The following P3H2 variants were observed in gnomAD, a reference collection of about 807,000 sequenced individuals.
P3H2 encodes prolyl 3-hydroxylase 2.
Under a neutral mutation model 87.0 loss-of-function variants are expected in P3H2, and 80 were observed. The observed-to-expected ratio is 0.92, with a 90% CI of 0.77 to 1.11. The LOEUF (loss-of-function observed/expected upper bound fraction) is 1.11, where lower values mean the gene tolerates loss of function less well. Ranked by LOEUF, P3H2 falls within the 50% of genes least tolerant of loss-of-function variation. P3H2 has a pLI of 0.00. For synonymous variants in P3H2, 367 were observed against 359.3 expected (o/e 1.02, Z -0.24); for missense variants, 1,001 against 923.9 (o/e 1.08, Z -1.08).
At position 189,988,963 on chromosome 3, in the gene P3H2, G is replaced by T. The variant is rs1306156587; in HGVS notation, c.899C>A (p.Pro300His). The T allele has an allele frequency of 5.6e-6, 9 of 1,613,926 alleles. No homozygotes were observed. Among genetic ancestry groups the T allele is most frequent in the Admixed American group, 3.3e-5 (2 of 59,996 alleles). Residue 300 changes from proline to histidine, a missense_variant, in exon 4 of 15, where the codon CCC becomes CAC. Transcript: ENST00000319332. ...GTGCAGAGGAAGAAAATTCTCGATG[G>T]GAGAGAGGCGGCCAGGGCGGGTGGC... Reference protein sequence around the residue: ...ELATRPGRLSPIENFLPLHYD... With the variant: ...ELATRPGRLSHIENFLPLHYD...
At position 189,969,758 on chromosome 3, in the gene P3H2, T is replaced by G. The variant is rs549558054; in HGVS notation, c.1893+1058A>C. On this transcript the variant is annotated intron_variant, in intron 13 of 14. Transcript: ENST00000319332. ...ATCAAATGGCTTGCCAAATGGAGTA[T>G]CCACATATTTTTCAGTTCTTCCTTC... The G allele has an allele frequency of 6.9e-6, 11 of 1,601,070 alleles. No individual in the cohort carries two copies. The East Asian group carries it at 1.6e-4, about 23-fold the overall frequency.
rs1051260729 is a variant in P3H2 at position 189,957,494 on chromosome 3, T to C, written c.*418A>G. 8.2e-6 allele frequency: 3 copies of C among 365,946 alleles called. No homozygotes were observed. The highest frequency in any genetic ancestry group is 4.7e-5 in the East Asian group (1 of 21,176). 22.7% of individuals were successfully genotyped at this position (365,946 alleles called of 1,614,324 possible). On this transcript the variant is annotated 3_prime_UTR_variant, in exon 15 of 15. Transcript: ENST00000319332. Reference sequence around the variant, plus strand: ...GTGTGTGTGTGTTTGGGGGAGGAGGTGAACTGGGCTTTGATAGATACATGA... The same window carrying C: ...GTGTGTGTGTGTTTGGGGGAGGAGGCGAACTGGGCTTTGATAGATACATGA...
intron 1 of P3H2, among the ~76,000 whole-genome samples, chr3:190,090,145 A>C (rs1029858247): frequency 1.3e-5 from 2 of 152,150 alleles, no homozygotes; most frequent in South Asian, 4.1e-4. Context: ...CTCATTATGC[A>C]TCAGGTCAAA....
chr3:190,063,135 T>C (rs994199835), intron 1 of P3H2, among the ~76,000 whole-genome samples: 2 of 152,176 alleles, frequency 1.3e-5, no homozygotes, highest in Admixed American at 1.3e-4. Context: ...GGAGTTCTAC[T>C]TTTTACAAAT....
At chr3:190,024,890 C>G (rs28548421) in intron 1 of P3H2, among the ~76,000 whole-genome samples, 3 of 152,058 alleles carry the variant, frequency 2.0e-5, no homozygotes, top group Non-Finnish European at 4.4e-5. Context: ...TAAATGGAAA[C>G]CCTTCTCCAC....
intron 8 of P3H2, 64 bp downstream of exon 8, chr3:189,982,982 G>T: frequency 8.1e-7 from 1 of 1,228,110 alleles, no homozygotes; most frequent in Non-Finnish European, 1.2e-6. Flanking sequence ...ATCTGGAAAA[G>T]AACTGGTCAA....
rs542057941 is a variant in P3H2 at position 189,997,103 on chromosome 3, TCTCTGC to T, written c.481-1667_481-1662del. 3.3e-5 allele frequency among the ~76,000 whole-genome samples: 5 copies of T among 152,264 alleles called. 1 individual carries two copies. Among genetic ancestry groups the T allele is most frequent in the African/African-American group, 1.2e-4 (5 of 41,552 alleles). On this transcript the variant is annotated intron_variant, in intron 1 of 14. Transcript: ENST00000319332. Reference sequence around the variant, plus strand: ...ATGGCGCGATCTTGGCTCACTGCAATCTCTGCCTCCAGGGTTCAAGCGATTCTCCTG... The same window carrying T: ...ATGGCGCGATCTTGGCTCACTGCAATCTCCAGGGTTCAAGCGATTCTCCTG...
At chr3:189,959,024 T>C (rs1319547581) in intron 14 of P3H2, among the ~76,000 whole-genome samples, 3 of 151,930 alleles carry the variant, frequency 2.0e-5, no homozygotes, top group African/African-American at 7.3e-5. Context: ...TTGTAAGCCC[T>C]CATCATCTCT....
chr3:190,120,720 G>A lies in P3H2; in HGVS notation c.12C>T (p.Arg4=). The A allele has an allele frequency of 6.6e-7, 1 of 1,520,938 alleles. No individual in the cohort carries two copies. The highest frequency in any genetic ancestry group is 8.8e-7 in the Non-Finnish European group (1 of 1,141,492). 94.2% of individuals were successfully genotyped at this position (1,520,938 alleles called of 1,614,324 possible). Residue 4 remains arginine, a synonymous_variant, in exon 1 of 15, where the codon CGC becomes CGT. Transcript: ENST00000319332. MRE[R]IWAPPLLLLL... is the part of the protein sequence containing the mutation. The stretch of plus-strand genomic sequence containing the variant: ...GCAGCAGCAGCGGCGGCGCCCAGAT[G>A]CGCTCCCGCATCCTCCGCCTCAGAG...
Position 189,969,064 on chromosome 3 carries a change from T to C in P3H2, c.1893+1752A>G, listed in dbSNP as rs1241193542. ...AAACTGGGCTATATTCTTCAGGCCATGGAGGGTTTTTGACCATTCCATGGA... is the reference window on the plus strand; with the variant it reads ...AAACTGGGCTATATTCTTCAGGCCACGGAGGGTTTTTGACCATTCCATGGA... On this transcript the variant is annotated intron_variant, in intron 13 of 14. Coordinates refer to ENST00000319332, the MANE Select transcript of P3H2 (RefSeq NM_018192.4). 1.1e-5 allele frequency: 4 copies of C among 378,094 alleles called. No homozygotes were observed. The South Asian group carries it at 1.2e-4, about 11-fold the overall frequency. The allele number at this position is 378,094 out of a possible 1,614,324, so 23.4% of individuals were successfully genotyped here. A position where few individuals can be genotyped will look rare whatever the true frequency, so the allele number is the denominator to read the frequency against.
chr3:190,076,136 C>T (rs926326742), intron 1 of P3H2, among the ~76,000 whole-genome samples: 2 of 151,188 alleles, frequency 1.3e-5, no homozygotes, highest in African/African-American at 4.9e-5. Flanking sequence ...GTGGTGATTT[C>T]CAGCCATATT....
intron 10 of P3H2, among the ~76,000 whole-genome samples, chr3:189,973,511 CTTTTTTTTTTTTT>C (rs869099221): frequency 2.8e-5 from 1 of 35,462 alleles, no homozygotes; most frequent in African/African-American, 9.7e-5. Context: ...TTCTTTCTTT[CTTTTTTTTTTTTT>C]TTTTTTTTTT....
At chr3:190,052,700 T>C (rs1177891463) in intron 1 of P3H2, among the ~76,000 whole-genome samples, 1 of 152,098 alleles carries the variant, frequency 6.6e-6, no homozygotes, top group Non-Finnish European at 1.5e-5. Flanking sequence ...TATATATATA[T>C]ATATATGCAT....
In P3H2 at chr3:189,957,929, G is replaced by T. The variant is rs1722689784; in HGVS notation, c.2110C>A (p.Pro704Thr). ...QQGKHELNIN[P>T]KDEL is the part of the protein sequence containing the mutation. ...TCTCATTTTTATAGCTCATCTTTAG[G>T]GTTGATATTCAGTTCATGCTTCCCT... Residue 704 changes from proline (P) to threonine (T), a missense_variant, in exon 15 of 15, where the codon CCT (proline) becomes ACT (threonine). Pro to Thr is a conservative substitution (Grantham distance 38). Transcript: ENST00000319332. The T allele has an allele frequency of 6.2e-7, 1 of 1,605,730 alleles. No individual in the cohort carries two copies. The highest frequency in any genetic ancestry group is 1.3e-5 in the African/African-American group (1 of 74,700).
intron 1 of P3H2, among the ~76,000 whole-genome samples, chr3:190,080,064 T>TA (rs771212568): frequency 1.3e-5 from 2 of 152,198 alleles, no homozygotes; most frequent in Non-Finnish European, 2.9e-5. Flanking sequence ...CATAAAAAAT[T>TA]AGTGTGACAA....
chr3:189,986,422 T>A (rs1723699125), intron 6 of P3H2, among the ~76,000 whole-genome samples: 1 of 151,698 alleles, frequency 6.6e-6, no homozygotes, highest in Non-Finnish European at 1.5e-5. Flanking sequence ...CCATCTCTAC[T>A]AAAAATACAA....
At chr3:190,044,171 G>T (rs1725727432) in intron 1 of P3H2, among the ~76,000 whole-genome samples, 1 of 152,114 alleles carries the variant, frequency 6.6e-6, no homozygotes, top group Non-Finnish European at 1.5e-5. Context: ...GAATGAATAG[G>T]TGTCCAACTC....
chr3:190,019,797 T>A (rs1302181567), intron 1 of P3H2, among the ~76,000 whole-genome samples: 1,980 of 50,148 alleles, frequency 0.039, 251 homozygotes, highest in African/African-American at 0.087. Context: ...TATATATATA[T>A]ATATATATAT....
intron 14 of P3H2, among the ~76,000 whole-genome samples, chr3:189,959,983 A>C (rs1722764889): frequency 6.6e-6 from 1 of 151,590 alleles, no homozygotes; most frequent in African/African-American, 2.4e-5. Context: ...AGCCTGTGGA[A>C]TCCGACTCCT....
Sources: allele counts gnomAD v4.1 joint callset (sites outside exome capture counted in the v4.1 genomes callset), GRCh38; gene constraint gnomAD v4.1.1; transcripts MANE v1.5; gene names NCBI Gene and HGNC (gene_info 2026-07-23, HGNC 2026-07-21).